Variants in RALGPS2 observed in about 807,000 individuals in gnomAD.
RALGPS2 encodes ras-specific guanine nucleotide-releasing factor RalGPS2.
A neutral mutation model predicts 86.8 loss-of-function variants in RALGPS2; 43 were observed. The observed-to-expected ratio is 0.50, with a 90% CI of 0.39 to 0.64. The LOEUF is 0.64. Among genes scored for constraint, RALGPS2 ranks in the 30% least tolerant of loss-of-function variants. RALGPS2 has a pLI of 0.00. For missense variants in RALGPS2, 536 were observed against 694.6 expected (o/e 0.77, Z 2.57); for synonymous variants, 243 against 231.3 (o/e 1.05, Z -0.46).
At chr1:178,879,896 T>G (rs1194907429) in intron 10 of RALGPS2, 1 of 152,112 alleles carries the variant, frequency 6.6e-6, no homozygotes, top group African/African-American at 2.4e-5. Flanking sequence ...GAGAGGAAAT[T>G]TTTAAATTAT....
chr1:178,858,111 T>C (rs1209400289), intron 8 of RALGPS2, among the ~76,000 whole-genome samples: 1 of 152,182 alleles, frequency 6.6e-6, no homozygotes, highest in Non-Finnish European at 1.5e-5. Flanking sequence ...GGATAAAATT[T>C]AGCAGTGCCT....
At chr1:178,913,291 AAAAAG>A (rs1572479160) in intron 19 of RALGPS2, among the ~76,000 whole-genome samples, 2 of 152,130 alleles carry the variant, frequency 1.3e-5, no homozygotes, top group African/African-American at 4.8e-5. Context: ...TCAAAAAAAA[AAAAAG>A]AAAAGAAAAA....
intron 6 of RALGPS2, among the ~76,000 whole-genome samples, chr1:178,813,513 CTGTT>C (rs1655090171): frequency 6.6e-6 from 1 of 152,174 alleles, no homozygotes; most frequent in Non-Finnish European, 1.5e-5. Flanking sequence ...GCCTTCTATA[CTGTT>C]TGTTATAAAA....
intron 1 of RALGPS2, among the ~76,000 whole-genome samples, chr1:178,767,838 G>T (rs553242792): frequency 6.6e-6 from 1 of 152,164 alleles, no homozygotes; most frequent in South Asian, 2.1e-4. Flanking sequence ...AGCTTGCCTG[G>T]CTACCAGTAG....
intron 1 of RALGPS2, among the ~76,000 whole-genome samples, chr1:178,755,652 A>G (rs1225699103): frequency 1.3e-5 from 2 of 152,202 alleles, no homozygotes; most frequent in African/African-American, 4.8e-5. Flanking sequence ...TGATGAACAT[A>G]TGAGTGCGTG....
At chr1:178,906,461 G>A (rs1241126049) in intron 18 of RALGPS2, among the ~76,000 whole-genome samples, 1 of 152,124 alleles carries the variant, frequency 6.6e-6, no homozygotes, top group African/African-American at 2.4e-5. Context: ...CAGATCTAGA[G>A]ATGCCACACA....
At chr1:178,750,865 A>AC (rs766926923) in intron 1 of RALGPS2, among the ~76,000 whole-genome samples, 2 of 152,200 alleles carry the variant, frequency 1.3e-5, no homozygotes, top group Non-Finnish European at 2.9e-5. Flanking sequence ...GTGGTTCTTA[A>AC]CTGCTTTTTA....
At position 178,917,709 on chromosome 1, in the gene RALGPS2, T is replaced by A. The variant is rs1660858669; in HGVS notation, c.*1350T>A. The A allele has an allele frequency of 1.3e-5, 2 of 152,082 alleles. No homozygotes were observed. The highest frequency in any genetic ancestry group is 2.4e-5 in the African/African-American group (1 of 41,432). The allele number at this position is 152,082 out of a possible 1,614,324, so 9.4% of individuals were successfully genotyped here. On this transcript the variant is annotated 3_prime_UTR_variant, in exon 20 of 20. Coordinates refer to ENST00000367635, the MANE Select transcript of RALGPS2 (RefSeq NM_152663.5). ...ATGCATTTAATTTCTAAAGTAAATG[T>A]TGAATTATTAAAAAAAAAGTTTGAA...
At position 178,776,665 on chromosome 1, in the gene RALGPS2, T is replaced by C; in HGVS notation, c.-83-17T>C. 4.0e-6 allele frequency: 1 copy of C among 252,840 alleles called. No individual in the cohort carries two copies. The highest frequency in any genetic ancestry group is 5.5e-6 in the Non-Finnish European group (1 of 183,154). The allele number at this position is 252,840 out of a possible 1,614,324, so 15.7% of individuals were successfully genotyped here. Reference sequence around the variant, plus strand: ...CTTCGAGGAAGACATTTGCTTAACTTTTTTTTTTTTTTACAGGAATAATGT... The same window carrying C: ...CTTCGAGGAAGACATTTGCTTAACTCTTTTTTTTTTTTACAGGAATAATGT... On this transcript the variant is annotated splice_polypyrimidine_tract_variant and intron_variant, in intron 1 of 19. Coordinates refer to ENST00000367635, the MANE Select transcript of RALGPS2 (RefSeq NM_152663.5).
intron 7 of RALGPS2, 136 bp from the exon 8 acceptor site, chr1:178,833,288 C>T: frequency 1.3e-6 from 1 of 788,456 alleles, no homozygotes; most frequent in South Asian, 4.1e-5. Flanking sequence ...TATTTATATA[C>T]TACCAAGATA....
At chr1:178,835,392 C>CTTTTTTT (rs71297889) in intron 8 of RALGPS2, among the ~76,000 whole-genome samples, 2 of 122,034 alleles carry the variant, frequency 1.6e-5, no homozygotes, top group South Asian at 2.7e-4. Context: ...TCTTTCTTTT[C>CTTTTTTT]TTTTTTTTTT....
intron 5 of RALGPS2, among the ~76,000 whole-genome samples, chr1:178,810,350 A>G (rs1572355350): frequency 6.6e-6 from 1 of 152,040 alleles, no homozygotes; most frequent in Non-Finnish European, 1.5e-5. Flanking sequence ...TCACCCCACT[A>G]CACTCCAGCC....
chr1:178,828,428 T>G (rs1429755822), intron 7 of RALGPS2, among the ~76,000 whole-genome samples: 1 of 152,148 alleles, frequency 6.6e-6, no homozygotes. Flanking sequence ...TATAACACGG[T>G]GGTATTTGTA....
intron 8 of RALGPS2, among the ~76,000 whole-genome samples, chr1:178,862,235 A>C (rs890412402): frequency 2.4e-4 from 36 of 152,110 alleles, no homozygotes; most frequent in African/African-American, 8.7e-4. Flanking sequence ...TGCTACTGTA[A>C]CTTAGAACAG....
intron 7 of RALGPS2, among the ~76,000 whole-genome samples, chr1:178,824,479 T>C (rs1011180884): frequency 4.6e-5 from 7 of 152,090 alleles, no homozygotes; most frequent in Admixed American, 4.6e-4. Flanking sequence ...TGAAAGAGAA[T>C]TAGATTTAGT....
At chr1:178,747,256 A>G (rs1651389895) in intron 1 of RALGPS2, 1 of 1,504,958 alleles carries the variant, frequency 6.6e-7, no homozygotes, top group East Asian at 2.3e-5. Context: ...CTCTCACTTT[A>G]AACAAGAAAT....
At chr1:178,899,676 T>C (rs1660089973) in intron 17 of RALGPS2, among the ~76,000 whole-genome samples, 1 of 149,626 alleles carries the variant, frequency 6.7e-6, no homozygotes, top group Non-Finnish European at 1.5e-5. Flanking sequence ...CCAAAATATT[T>C]AACCTGAATC....
chr1:178,728,566 A>G (rs1650160115), intron 1 of RALGPS2, among the ~76,000 whole-genome samples: 2 of 152,188 alleles, frequency 1.3e-5, no homozygotes, highest in African/African-American at 4.8e-5. Context: ...TCACTTTAAT[A>G]TGAATACTTT....
chr1:178,751,195 G>A (rs1277172349), intron 1 of RALGPS2, among the ~76,000 whole-genome samples: 1 of 151,626 alleles, frequency 6.6e-6, no homozygotes, highest in Non-Finnish European at 1.5e-5. Flanking sequence ...ACATTCCTCC[G>A]TTATGGCAAT....
Sources: allele counts gnomAD v4.1 joint callset (sites outside exome capture counted in the v4.1 genomes callset), GRCh38; gene constraint gnomAD v4.1.1; transcripts MANE v1.5; gene names NCBI Gene and HGNC (gene_info 2026-07-23, HGNC 2026-07-21).